Variants in XPA observed in about 807,000 individuals in gnomAD.
The protein encoded by XPA is XPA, DNA damage recognition and repair factor.
Under a neutral mutation model 35.7 loss-of-function variants are expected in XPA, and 27 were observed. The observed-to-expected ratio is 0.76, with a 90% CI of 0.56 to 1.04. XPA has a LOEUF of 1.04. Among genes scored for constraint, XPA ranks in the 50% least tolerant of loss-of-function variants. XPA has a pLI of 0.00. For synonymous variants in XPA, 133 were observed against 118.4 expected, an observed-to-expected ratio of 1.12 and a Z score of -0.80; for missense variants, 354 against 342.7, an observed-to-expected ratio of 1.03 and a Z score of -0.26.
intron 5 of XPA, among the ~76,000 whole-genome samples, chr9:97,678,226 C>T (rs1828427380): frequency 6.6e-6 from 1 of 152,074 alleles, no homozygotes; most frequent in Non-Finnish European, 1.5e-5. Flanking sequence ...TATGGTGAAA[C>T]CCCATCTCTA....
At chr9:97,671,237 T>A (rs1353827732), downstream of XPA, 1 of 1,397,532 alleles carries the variant, frequency 7.2e-7, no homozygotes. Flanking sequence ...TTTTTTGATA[T>A]CTTAAAATAA....
In XPA at chr9:97,688,855, CT is replaced by C. The variant is rs1371540033; in HGVS notation, c.389+678del. ...AGGCAGGTGAGGAGTTGATTTAGGA[CT>C]GTAGGGACAAAGTAAGCACAGGGAA... On this transcript the variant is annotated intron_variant, in intron 3 of 5. Transcript: ENST00000375128. 6.6e-5 allele frequency among the ~76,000 whole-genome samples: 10 copies of C among 152,136 alleles called. No homozygotes were observed. The East Asian group carries it at 1.9e-3, about 29-fold the overall frequency.
intron 2 of XPA, among the ~76,000 whole-genome samples, chr9:97,691,886 A>AATATATATATATAT (rs55944336): frequency 2.4e-5 from 3 of 124,668 alleles, no homozygotes; most frequent in Middle Eastern, 4.0e-3. Flanking sequence ...TTTCTAAATA[A>AATATATATATATAT]ATATATATAT....
In XPA at chr9:97,684,331, G is replaced by A. The variant is rs557237099; in HGVS notation, c.673+592C>T. 3.3e-5 allele frequency among the ~76,000 whole-genome samples: 5 copies of A among 152,270 alleles called. 1 individual carries two copies. The highest frequency in any genetic ancestry group is 6.8e-3 in the Middle Eastern group (2 of 294). On this transcript the variant is annotated intron_variant, in intron 5 of 5. Transcript: ENST00000375128. ...GATAACAGGGACAAATTAATGCAGC[G>A]ATAGATGGACAAGGGAATGCATGCA... is the stretch of plus-strand genomic sequence containing the variant.
intron 2 of XPA, among the ~76,000 whole-genome samples, chr9:97,690,031 T>C (rs868028755): frequency 2.6e-5 from 4 of 152,204 alleles, no homozygotes; most frequent in South Asian, 4.1e-4. Flanking sequence ...GCTGTGTTCC[T>C]TTCTGGAGGC....
chr9:97,657,916 A>C, the XPA span, among the ~76,000 whole-genome samples: 5 of 102,988 alleles, frequency 4.9e-5, no homozygotes, highest in East Asian at 6.7e-4. Context: ...CTATATATAT[A>C]TATATATATA....
chr9:97,671,263 G>A, downstream of XPA: 1 of 1,242,128 alleles, frequency 8.1e-7, no homozygotes, highest in Non-Finnish European at 1.2e-6. Context: ...CTTATTTTTT[G>A]ATGGTTTGAA....
At chr9:97,668,941 T>C in the XPA span, 1 of 1,612,848 alleles carries the variant, frequency 6.2e-7, no homozygotes, top group African/African-American at 1.3e-5. Context: ...CTGCTCAGAG[T>C]GAACAAAAGA....
At chr9:97,691,462 GAGGCCA>G (rs113449336) in intron 2 of XPA, among the ~76,000 whole-genome samples, 4,525 of 152,222 alleles carry the variant, frequency 0.03, 232 homozygotes, top group African/African-American at 0.1. Context: ...AGCACTTTGG[GAGGCCA>G]AGGTGGGTGG....
At chr9:97,669,015 A>T in the XPA span, 5 of 1,532,208 alleles carry the variant, frequency 3.3e-6, no homozygotes, top group Admixed American at 1.0e-4. Flanking sequence ...AGGAAACAAT[A>T]CATTTCTTTA....
chr9:97,669,922 C>A (rs1828131283), downstream of XPA: 1 of 581,990 alleles, frequency 1.7e-6, no homozygotes, highest in Non-Finnish European at 3.1e-6. Context: ...CCAACAACCC[C>A]CCGCCCCACC....
At chr9:97,692,907 G>A (rs1828935335) in intron 2 of XPA, among the ~76,000 whole-genome samples, 1 of 151,898 alleles carries the variant, frequency 6.6e-6, no homozygotes, top group African/African-American at 2.4e-5. Flanking sequence ...AGTCCCTGAT[G>A]CAAATAAAAA....
At chr9:97,660,311 C>T in the XPA span, among the ~76,000 whole-genome samples, 3 of 152,230 alleles carry the variant, frequency 2.0e-5, no homozygotes, top group East Asian at 5.8e-4. Flanking sequence ...TTTCTTGTTG[C>T]TCTGGTGATG....
At chr9:97,659,996 C>T in the XPA span, among the ~76,000 whole-genome samples, 1 of 152,198 alleles carries the variant, frequency 6.6e-6, no homozygotes, top group Non-Finnish European at 1.5e-5. Context: ...TTCCTTTTCT[C>T]CTTCTAGATT....
At chr9:97,665,824 C>T in the XPA span, among the ~76,000 whole-genome samples, 1 of 125,032 alleles carries the variant, frequency 8.0e-6, no homozygotes, top group Admixed American at 1.1e-4. Flanking sequence ...TAACTAGTAG[C>T]CTACTGTTGA....
downstream of XPA, chr9:97,673,475 T>C (rs1828258791): frequency 6.6e-6 from 1 of 152,212 alleles, no homozygotes; most frequent in African/African-American, 2.4e-5. Flanking sequence ...TCTTTTCTCT[T>C]GGTCCTCTCT....
chr9:97,657,907 T>C, the XPA span, among the ~76,000 whole-genome samples: 1 of 104,460 alleles, frequency 9.6e-6, no homozygotes, highest in Non-Finnish European at 1.9e-5. Flanking sequence ...TCTCTCTCTC[T>C]ATATATATAT....
the XPA span, chr9:97,666,947 C>T: frequency 8.0e-6 from 9 of 1,124,690 alleles, no homozygotes; most frequent in East Asian, 2.4e-4. Context: ...ATTCAGAGTT[C>T]ATTATCTTGA....
At chr9:97,682,267 G>C in intron 5 of XPA, 1 of 518,388 alleles carries the variant, frequency 1.9e-6, no homozygotes, top group Non-Finnish European at 3.9e-6. Flanking sequence ...AGAGGAACCA[G>C]GTTCCAATTT....
Sources: allele counts gnomAD v4.1 joint callset (sites outside exome capture counted in the v4.1 genomes callset), GRCh38; gene constraint gnomAD v4.1.1; transcripts MANE v1.5; gene names NCBI Gene and HGNC (gene_info 2026-07-23, HGNC 2026-07-21).